The following ULK4 variants were observed in gnomAD, a reference collection of about 807,000 sequenced individuals.
The protein encoded by ULK4 is unc-51 like kinase 4.
ULK4 carries 133 observed loss-of-function variants against 160.6 expected under a neutral mutation model. The ratio of observed to expected loss-of-function variants is 0.83; its 90% confidence interval spans 0.72 to 0.96. The LOEUF is 0.96. Ranked by LOEUF, ULK4 falls within the 40% of genes least tolerant of loss-of-function variation. ULK4 has a pLI of 0.00. For missense variants in ULK4, 1,580 were observed against 1,499.5 expected, an observed-to-expected ratio of 1.05 and a Z score of -0.89; for synonymous variants, 534 against 539.8, an observed-to-expected ratio of 0.99 and a Z score of 0.15.
rs3044215 is a variant in ULK4 at position 41,939,163 on chromosome 3, C to CTTT, written c.139-969_139-967dup. Among the ~76,000 whole-genome samples the CTTT allele has an allele frequency of 3.8e-4, 55 of 146,282 alleles. 1 individual carries two copies. The highest frequency in any genetic ancestry group is 8.8e-4 in the Admixed American group (13 of 14,696). The stretch of plus-strand genomic sequence containing the variant: ...AAGCAAGACATGAGCAATGATTACC[C>CTTT]TTTTTTTTTTTTTTTGAGGAGGAGT... On this transcript the variant is annotated intron_variant, in intron 2 of 36. Transcript: ENST00000301831.
intron 19 of ULK4, among the ~76,000 whole-genome samples, chr3:41,802,910 T>C (rs1160508215): frequency 6.6e-6 from 1 of 152,212 alleles, no homozygotes; most frequent in East Asian, 1.9e-4. Flanking sequence ...CTCACGCCTG[T>C]AATCCCAGCA....
intron 11 of ULK4, among the ~76,000 whole-genome samples, chr3:41,909,084 C>A (rs905554031): frequency 5.8e-5 from 6 of 102,850 alleles, no homozygotes; most frequent in Admixed American, 4.3e-4. Flanking sequence ...CAAAGCAACA[C>A]TCCATCTCAA....
At chr3:41,289,517 C>A (rs1348016219) in intron 35 of ULK4, among the ~76,000 whole-genome samples, 2 of 152,108 alleles carry the variant, frequency 1.3e-5, no homozygotes, top group African/African-American at 4.8e-5. Flanking sequence ...GATTTTGGTG[C>A]CTGATAAAAA....
intron 15 of ULK4, among the ~76,000 whole-genome samples, chr3:41,895,944 C>G (rs750863464): frequency 2.0e-5 from 3 of 152,162 alleles, no homozygotes; most frequent in Non-Finnish European, 4.4e-5. Flanking sequence ...TAATTCCTCT[C>G]TGAGGATGAC....
At position 41,713,370 on chromosome 3, in the gene ULK4, C is replaced by A. The variant is rs1447331763; in HGVS notation, c.2634+1867G>T. 2.6e-5 allele frequency among the ~76,000 whole-genome samples: 4 copies of A among 152,188 alleles called. No individual in the cohort carries two copies. In the East Asian group the frequency reaches 5.8e-4, roughly 22 times the overall value. On this transcript the variant is annotated intron_variant, in intron 25 of 36. Transcript: ENST00000301831. ...ATGTGCACAAGAACTGTATGGATAA[C>A]TAAATCCAGGTCCTGAATTTTAGTC... is the stretch of plus-strand genomic sequence containing the variant.
At chr3:41,804,485 A>C (rs1484480033) in intron 19 of ULK4, among the ~76,000 whole-genome samples, 1 of 150,674 alleles carries the variant, frequency 6.6e-6, no homozygotes, top group African/African-American at 2.4e-5. Context: ...TCTTTAGTTT[A>C]ATTAGATCCC....
intron 17 of ULK4, chr3:41,882,409 T>C (rs1450923916): frequency 1.4e-5 from 9 of 639,662 alleles, no homozygotes; most frequent in Non-Finnish European, 2.5e-5. Context: ...AAGTTGATCA[T>C]CTCAATTCAG....
chr3:41,396,159 T>G (rs2082056348), intron 35 of ULK4, among the ~76,000 whole-genome samples: 1 of 152,172 alleles, frequency 6.6e-6, no homozygotes, highest in Admixed American at 6.6e-5. Flanking sequence ...AGCAAAATCC[T>G]GAACTCACAG....
At chr3:41,253,429 G>T (rs2078775268) in intron 35 of ULK4, among the ~76,000 whole-genome samples, 1 of 151,606 alleles carries the variant, frequency 6.6e-6, no homozygotes, top group Non-Finnish European at 1.5e-5. Context: ...ATTTGAAGTG[G>T]TAAAATATTG....
At chr3:41,267,586 C>G (rs1351316427) in intron 35 of ULK4, among the ~76,000 whole-genome samples, 1 of 152,104 alleles carries the variant, frequency 6.6e-6, no homozygotes, top group Non-Finnish European at 1.5e-5. Context: ...TAAAACTTAT[C>G]TTGGACACAC....
At chr3:41,325,315 A>C (rs1295574324) in intron 35 of ULK4, among the ~76,000 whole-genome samples, 1 of 152,236 alleles carries the variant, frequency 6.6e-6, no homozygotes, top group Non-Finnish European at 1.5e-5. Flanking sequence ...TTGAAGAATG[A>C]AAATGAGCTA....
intron 35 of ULK4, among the ~76,000 whole-genome samples, chr3:41,363,932 C>CT (rs113229684): frequency 0.31 from 45,085 of 147,414 alleles, 6,965 homozygotes; most frequent in Middle Eastern, 0.38. Flanking sequence ...AATTCTCTCT[C>CT]TTTTTTTTTT....
chr3:41,320,550 A>G (rs2080226693), intron 35 of ULK4, among the ~76,000 whole-genome samples: 1 of 152,164 alleles, frequency 6.6e-6, no homozygotes, highest in South Asian at 2.1e-4. Flanking sequence ...TCTTCCTGCC[A>G]CTGTCCTGGA....
intron 17 of ULK4, among the ~76,000 whole-genome samples, chr3:41,876,450 A>G (rs971336906): frequency 6.6e-6 from 1 of 152,228 alleles, no homozygotes. Flanking sequence ...AGAGCACTGA[A>G]CATTCTTTCA....
At chr3:41,578,471 C>T (rs55683210) in intron 31 of ULK4, among the ~76,000 whole-genome samples, 31,693 of 152,154 alleles carry the variant, frequency 0.21, 3,601 homozygotes, top group Middle Eastern at 0.28. Context: ...TAATGACACA[C>T]GCTATACCAT....
At chr3:41,375,777 A>G (rs754644610) in intron 35 of ULK4, among the ~76,000 whole-genome samples, 1 of 150,340 alleles carries the variant, frequency 6.7e-6, no homozygotes, top group Non-Finnish European at 1.5e-5. Flanking sequence ...AAAACTGACA[A>G]ATGGGATCTA....
intron 34 of ULK4, among the ~76,000 whole-genome samples, chr3:41,440,464 T>G (rs1172778937): frequency 6.6e-6 from 1 of 152,182 alleles, no homozygotes; most frequent in East Asian, 1.9e-4. Flanking sequence ...ATTACTTGAT[T>G]GATTTTTAAA....
intron 32 of ULK4, among the ~76,000 whole-genome samples, chr3:41,526,289 G>A (rs2086114515): frequency 6.6e-6 from 1 of 152,066 alleles, no homozygotes; most frequent in Admixed American, 6.6e-5. Context: ...ACTCATCTTT[G>A]AAAAAGAACA....
intron 32 of ULK4, among the ~76,000 whole-genome samples, chr3:41,546,812 C>T (rs1156763429): frequency 4.1e-5 from 6 of 147,054 alleles, no homozygotes; most frequent in Admixed American, 4.0e-4. Context: ...ACACAAGTTT[C>T]ACCTCACGTG....
Sources: gnomAD v4.1 joint callset for allele counts (sites outside exome capture counted in the v4.1 genomes callset) on GRCh38, gnomAD v4.1.1 for gene constraint, MANE v1.5 for transcripts, NCBI Gene and HGNC (gene_info 2026-07-23, HGNC 2026-07-21) for gene names.